The following NFKBIZ variants were observed in gnomAD, a reference collection of about 807,000 sequenced individuals.
The protein encoded by NFKBIZ is NFKB inhibitor zeta, also known as NF-kappa-B inhibitor zeta.
In NFKBIZ, 19 loss-of-function variants were observed where a neutral mutation model predicts 76.8. That is an observed-to-expected ratio of 0.25 (90% CI 0.17 to 0.36). The LOEUF is 0.36. NFKBIZ is among the 10% of genes least tolerant of loss of function. The pLI is 1.00. For synonymous variants in NFKBIZ, 368 were observed against 354.8 expected (o/e 1.04, Z -0.42); for missense variants, 829 against 910.9 (o/e 0.91, Z 1.16).
At chr3:101,830,568 A>G (rs1220965525) in intron 2 of NFKBIZ, among the ~76,000 whole-genome samples, 1 of 152,188 alleles carries the variant, frequency 6.6e-6, no homozygotes, top group African/African-American at 2.4e-5. Flanking sequence ...AAATGAGAAC[A>G]TGTGGTATTT....
upstream of NFKBIZ, among the ~76,000 whole-genome samples, chr3:101,848,487 T>G (rs573242172): frequency 2.2e-4 from 33 of 152,340 alleles, no homozygotes; most frequent in African/African-American, 7.2e-4. Context: ...GTTTCTCCTT[T>G]TAGGTGGCTC....
At chr3:101,849,378 A>G (rs1020546753), upstream of NFKBIZ, 36 of 344,378 alleles carry the variant, frequency 1.0e-4, no homozygotes, top group Non-Finnish European at 1.6e-4. Flanking sequence ...CATCCTGTAC[A>G]TTTTACTGGA....
chr3:101,833,923 C>G (rs1163194165), intron 2 of NFKBIZ, among the ~76,000 whole-genome samples: 2 of 152,142 alleles, frequency 1.3e-5, no homozygotes, highest in South Asian at 2.1e-4. Context: ...TTTCTCCACC[C>G]CATACCTCAC....
At position 101,852,739 on chromosome 3, in the gene NFKBIZ, C is replaced by T. The variant is rs149168113; in HGVS notation, c.431C>T (p.Thr144Ile). 2.5e-6 allele frequency: 4 copies of T among 1,604,520 alleles called. No individual in the cohort carries two copies. The African/African-American group carries it at 4.0e-5, about 16-fold the overall frequency. The change falls in exon 3 of 12, where the codon ACA (threonine) becomes ATA (isoleucine). Residue 144 changes from threonine to isoleucine, a missense_variant and splice_region_variant. Coordinates refer to ENST00000326172, the MANE Select transcript of NFKBIZ (RefSeq NM_031419.4). ...AATTGGAAACTTTTTTCTTTATAGA[C>T]ACAAGGTGTGAACATAGAACAGTTC... Reference protein sequence around the residue: ...ASGQAVDDFKTQGVNIEQFRE... With the variant: ...ASGQAVDDFKIQGVNIEQFRE...
In NFKBIZ at chr3:101,855,184, G is replaced by C; in HGVS notation, c.1566G>C (p.Glu522Asp). ...WGRTPLHVCA[E>D]KGHSQVLQAI... ...GAACACCTCTGCATGTGTGTGCTGAGAAGGGCCACTCCCAGGTGCTTCAGG... is the reference window on the plus strand; with the variant it reads ...GAACACCTCTGCATGTGTGTGCTGACAAGGGCCACTCCCAGGTGCTTCAGG... The change falls in exon 7 of 12, where the codon GAG (glutamate) becomes GAC (aspartate). Residue 522 changes from glutamate (E) to aspartate (D), a missense_variant. This residue lies in a region of NFKBIZ where 272 missense variants were observed against 384.2 expected (regional missense o/e 0.71). Transcript: ENST00000326172. 1 of 1,611,930 alleles carries C rather than the reference G, an allele frequency of 6.2e-7. No homozygotes were observed.
chr3:101,852,194 G>T lies in NFKBIZ; in HGVS notation c.399G>T (p.Lys133Asn). 6.2e-7 allele frequency: 1 copy of T among 1,614,196 alleles called. No individual in the cohort carries two copies. The highest frequency in any genetic ancestry group is 1.3e-5 in the African/African-American group (1 of 75,058). The part of the protein sequence containing the change: ...LLLHIRSHKQ[K>N]ASGQAVDDFK... The stretch of plus-strand genomic sequence containing the variant: ...TGCACATCCGAAGTCATAAACAGAA[G>T]GCTTCTGGCCAAGCTGTGGATGATT... The change falls in exon 2 of 12, where the codon AAG becomes AAT. Residue 133 changes from lysine to asparagine, a missense_variant. Lys to Asn is a moderately conservative substitution (Grantham distance 94, BLOSUM62 0). Transcript: ENST00000326172.
chr3:101,841,869 G>A (rs2107402270), intron 2 of NFKBIZ, among the ~76,000 whole-genome samples: 1 of 152,182 alleles, frequency 6.6e-6, no homozygotes, highest in East Asian at 1.9e-4. Flanking sequence ...AGGGGCCAAA[G>A]TATTTGTTTT....
At chr3:101,832,764 G>A (rs1942663290) in intron 2 of NFKBIZ, among the ~76,000 whole-genome samples, 1 of 152,164 alleles carries the variant, frequency 6.6e-6, no homozygotes, top group Non-Finnish European at 1.5e-5. Flanking sequence ...CATGAATAAT[G>A]CTGCTGTGAA....
At chr3:101,844,398 A>G (rs1576810321) in intron 2 of NFKBIZ, among the ~76,000 whole-genome samples, 1 of 152,248 alleles carries the variant, frequency 6.6e-6, no homozygotes, top group Non-Finnish European at 1.5e-5. Context: ...GGTGAAGAAT[A>G]CAATGATTAC....
chr3:101,854,745 C>CA (rs1165709497), intron 6 of NFKBIZ, 62 bp downstream of exon 6: 6 of 1,137,210 alleles, frequency 5.3e-6, no homozygotes, highest in Non-Finnish European at 8.0e-6. Context: ...GAATGATGAC[C>CA]AGCCTTATGT....
intron 2 of NFKBIZ, among the ~76,000 whole-genome samples, chr3:101,842,244 G>A (rs1942794173): frequency 6.6e-6 from 1 of 152,144 alleles, no homozygotes; most frequent in Non-Finnish European, 1.5e-5. Flanking sequence ...TGAGATTTTG[G>A]TTGAGGAAGA....
chr3:101,843,751 T>C (rs762890116), intron 2 of NFKBIZ, among the ~76,000 whole-genome samples: 8 of 152,246 alleles, frequency 5.3e-5, no homozygotes, highest in Non-Finnish European at 1.0e-4. Context: ...TGTGATTTTA[T>C]AATGTCTTGC....
upstream of NFKBIZ, among the ~76,000 whole-genome samples, chr3:101,846,855 C>T (rs777313588): frequency 4.6e-5 from 7 of 152,104 alleles, no homozygotes; most frequent in Non-Finnish European, 1.0e-4. Context: ...CCAACAAGTC[C>T]CACCATCTGC....
chr3:101,837,163 A>G (rs1011704016), intron 2 of NFKBIZ, among the ~76,000 whole-genome samples: 7 of 152,180 alleles, frequency 4.6e-5, no homozygotes, highest in Non-Finnish European at 1.0e-4. Flanking sequence ...TAGGTAGGAT[A>G]GGCATTTAAA....
At position 101,856,379 on chromosome 3, in the gene NFKBIZ, A is replaced by G. The variant is rs151302862; in HGVS notation, c.1824+477A>G. Among the ~76,000 whole-genome samples the G allele has an allele frequency of 8.0e-3, 1,213 of 152,320 alleles. 15 individuals carry two copies. Among genetic ancestry groups the G allele is most frequent in the African/African-American group, 0.027 (1,109 of 41,570 alleles). Reference sequence around the variant, plus strand: ...AGCCCAGATTTTAACAGATCATTTCATGTGTTTTCTTGATTTGCTTTAAAT... The same window carrying G: ...AGCCCAGATTTTAACAGATCATTTCGTGTGTTTTCTTGATTTGCTTTAAAT... On this transcript the variant is annotated intron_variant, in intron 9 of 11. Coordinates refer to ENST00000326172, the MANE Select transcript of NFKBIZ (RefSeq NM_031419.4).
chr3:101,852,764 C>T lies in NFKBIZ; in HGVS notation c.456C>T (p.Phe152=). 6.2e-7 allele frequency: 1 copy of T among 1,611,374 alleles called. No individual in the cohort carries two copies. The highest frequency in any genetic ancestry group is 8.5e-7 in the Non-Finnish European group (1 of 1,179,000). The change falls in exon 3 of 12, where the codon TTC becomes TTT. Residue 152 remains phenylalanine (F), a synonymous_variant. Coordinates refer to ENST00000326172, the MANE Select transcript of NFKBIZ (RefSeq NM_031419.4). ...FKTQGVNIEQ[F]RELKNTVSYS... ...CACAAGGTGTGAACATAGAACAGTT[C>T]AGAGGTAAGAGTTACTTGTATTTGT...
chr3:101,843,020 TAAAAAAA>T (rs35824432), intron 2 of NFKBIZ, among the ~76,000 whole-genome samples: 7 of 66,464 alleles, frequency 1.1e-4, no homozygotes, highest in Middle Eastern at 0.012. Context: ...CTGTATTTTC[TAAAAAAA>T]AAAAAAAAAA....
At chr3:101,859,008 G>A (rs554373291) in intron 11 of NFKBIZ, among the ~76,000 whole-genome samples, 2 of 152,234 alleles carry the variant, frequency 1.3e-5, no homozygotes, top group South Asian at 4.1e-4. Flanking sequence ...AATAGCAAGA[G>A]TAAAGATTAG....
rs141641363 is a variant in NFKBIZ, at chr3:101,843,455, CAT to C, written c.-11-8629_-11-8628del. ...GAAACCCTGTCTCTTAAAAAAGAAA[CAT>C]GTGTCACAATATCTTATGTTGGTGA... On this transcript the variant is annotated intron_variant, in intron 2 of 12. Transcript: ENST00000394054. Among the ~76,000 whole-genome samples the C allele has an allele frequency of 6.0e-3, 909 of 152,180 alleles. 8 individuals are homozygous for C. Among genetic ancestry groups the C allele is most frequent in the East Asian group, 0.038 (195 of 5,190 alleles).
Sources: gnomAD v4.1 joint callset for allele counts (sites outside exome capture counted in the v4.1 genomes callset) on GRCh38, gnomAD v4.1.1 for gene constraint, gnomAD v4.1.1 regional missense constraint, MANE v1.5 for transcripts, NCBI Gene and HGNC (gene_info 2026-07-23, HGNC 2026-07-21) for gene names.